The following UNC5D variants were observed in gnomAD, a reference collection of about 807,000 sequenced individuals.
The protein encoded by UNC5D is unc-5 netrin receptor D.
In UNC5D, 39 loss-of-function variants were observed where a neutral mutation model predicts 105.4. The ratio of observed to expected loss-of-function variants is 0.37; its 90% CI spans 0.29 to 0.48. UNC5D has a LOEUF of 0.48. Ranked by LOEUF, UNC5D falls within the 20% of genes least tolerant of loss-of-function variation. UNC5D has a pLI of 0.98. For synonymous variants in UNC5D, 452 were observed against 450.4 expected (o/e 1.00, Z -0.04); for missense variants, 991 against 1,202.4 (o/e 0.82, Z 2.60).
intron 4 of UNC5D, among the ~76,000 whole-genome samples, chr8:35,666,991 T>C (rs1824466562): frequency 6.6e-6 from 1 of 152,170 alleles, no homozygotes; most frequent in Non-Finnish European, 1.5e-5. Context: ...GGTATGAGAC[T>C]TAGCCTGCTA....
chr8:35,285,646 T>C (rs543961881), intron 1 of UNC5D, among the ~76,000 whole-genome samples: 1 of 152,186 alleles, frequency 6.6e-6, no homozygotes, highest in Non-Finnish European at 1.5e-5. Context: ...AGCAAAGAAT[T>C]GTAATCACTG....
intron 8 of UNC5D, among the ~76,000 whole-genome samples, chr8:35,720,329 C>A (rs2131528116): frequency 6.6e-6 from 1 of 152,306 alleles, no homozygotes; most frequent in South Asian, 2.1e-4. Context: ...CTGCACACTG[C>A]CAGGCTGTTT....
chr8:35,762,082 A>G (rs1303023277), intron 14 of UNC5D, among the ~76,000 whole-genome samples: 4 of 152,104 alleles, frequency 2.6e-5, no homozygotes, highest in African/African-American at 9.7e-5. Flanking sequence ...CTAACTTCAA[A>G]TCAGGAATCT....
At chr8:35,567,663 A>T (rs891973030) in intron 2 of UNC5D, among the ~76,000 whole-genome samples, 1 of 152,162 alleles carries the variant, frequency 6.6e-6, no homozygotes, top group East Asian at 1.9e-4. Flanking sequence ...CTTCTAAGCC[A>T]GACTGTTACA....
chr8:35,670,424 C>T (rs1434384572), intron 4 of UNC5D, among the ~76,000 whole-genome samples: 1 of 152,126 alleles, frequency 6.6e-6, no homozygotes, highest in Admixed American at 6.6e-5. Context: ...TTTATTGCAG[C>T]ACTATTGACA....
At chr8:35,483,966 T>C (rs10503980) in intron 1 of UNC5D, among the ~76,000 whole-genome samples, 26,478 of 152,152 alleles carry the variant, frequency 0.17, 3,050 homozygotes, top group African/African-American at 0.29. Context: ...TGTGCTGCAT[T>C]CAAATGTGAG....
intron 3 of UNC5D, among the ~76,000 whole-genome samples, chr8:35,572,275 CAAAAAAAAAA>C (rs58478029): frequency 2.6e-4 from 19 of 72,478 alleles, no homozygotes; most frequent in Non-Finnish European, 2.4e-5. Flanking sequence ...GCGAGACTGT[CAAAAAAAAAA>C]AAAAAAAAAA....
In UNC5D at chr8:35,748,452, G is replaced by C. The variant is rs988985770; in HGVS notation, c.1767-75G>C. Reference sequence around the variant, plus strand: ...ATAAGCCTGAAGAAAACCCCAGTCTGTTAACCAAATTCTCATTCAAATATG... The same window carrying C: ...ATAAGCCTGAAGAAAACCCCAGTCTCTTAACCAAATTCTCATTCAAATATG... On this transcript the variant is annotated intron_variant, in intron 11 of 16. Coordinates refer to ENST00000404895, the MANE Select transcript of UNC5D (RefSeq NM_080872.4). 5.4e-6 allele frequency: 8 copies of C among 1,489,728 alleles called. No homozygotes were observed. The South Asian group carries it at 6.8e-5, about 13-fold the overall frequency. 92.3% of individuals were successfully genotyped at this position (1,489,728 alleles called of 1,614,324 possible).
chr8:35,451,332 T>G (rs1178461150), intron 1 of UNC5D, among the ~76,000 whole-genome samples: 1 of 152,128 alleles, frequency 6.6e-6, no homozygotes, highest in African/African-American at 2.4e-5. Context: ...CATGAGCCAC[T>G]GCACCTGGCC....
At chr8:35,303,846 T>C (rs1054356829) in intron 1 of UNC5D, among the ~76,000 whole-genome samples, 24 of 152,174 alleles carry the variant, frequency 1.6e-4, no homozygotes, top group Admixed American at 6.6e-5. Flanking sequence ...ATGTAAATGA[T>C]CAGCTAAAGC....
intron 1 of UNC5D, among the ~76,000 whole-genome samples, chr8:35,548,832 A>G (rs532561245): frequency 1.3e-5 from 2 of 152,306 alleles, no homozygotes; most frequent in South Asian, 2.1e-4. Flanking sequence ...TCTTTTGACC[A>G]TATTTTATGG....
chr8:35,722,574 C>T (rs1828640278), intron 9 of UNC5D, among the ~76,000 whole-genome samples, 179 bp downstream of exon 9: 1 of 152,174 alleles, frequency 6.6e-6, no homozygotes. Flanking sequence ...AGGTCCTTGT[C>T]TGCCACAGGG....
At chr8:35,322,792 T>C (rs946405472) in intron 1 of UNC5D, among the ~76,000 whole-genome samples, 1 of 152,216 alleles carries the variant, frequency 6.6e-6, no homozygotes, top group African/African-American at 2.4e-5. Context: ...TACGTACGAT[T>C]TCTTAAGCGA....
intron 4 of UNC5D, among the ~76,000 whole-genome samples, chr8:35,631,131 G>C (rs1412797407): frequency 1.3e-5 from 2 of 152,060 alleles, no homozygotes; most frequent in Non-Finnish European, 1.5e-5. Context: ...TGGGCAACAC[G>C]GTGAAACCCC....
chr8:35,309,032 A>G (rs1808663471), intron 1 of UNC5D, among the ~76,000 whole-genome samples: 1 of 152,020 alleles, frequency 6.6e-6, no homozygotes. Flanking sequence ...TTTGCCTTTT[A>G]CCTGGTGCCT....
Position 35,298,212 on chromosome 8 carries a change from C to T in UNC5D, c.103+62325C>T, listed in dbSNP as rs539405131. Among the ~76,000 whole-genome samples, 4 of 152,264 alleles carry T rather than the reference C, an allele frequency of 2.6e-5. No individual in the cohort carries two copies. In the East Asian group the frequency reaches 7.7e-4, roughly 29 times the overall value. On this transcript the variant is annotated intron_variant, in intron 1 of 16. Transcript: ENST00000404895. ...GGACTCTGTTACTCACAGAAACACC[C>T]CCATAGTCCCTGGCTCTTTCCAAGT...
intron 1 of UNC5D, among the ~76,000 whole-genome samples, chr8:35,501,277 A>G (rs1234204466): frequency 6.6e-6 from 1 of 152,242 alleles, no homozygotes; most frequent in Non-Finnish European, 1.5e-5. Flanking sequence ...GTGCTGCCTG[A>G]CCAAGGTTGA....
intron 4 of UNC5D, among the ~76,000 whole-genome samples, chr8:35,601,706 C>T (rs1301738061): frequency 4.6e-5 from 7 of 152,148 alleles, no homozygotes; most frequent in East Asian, 3.9e-4. Flanking sequence ...TGGGCTGAGA[C>T]GATGGGATTT....
chr8:35,381,159 A>G (rs1037397531), intron 1 of UNC5D, among the ~76,000 whole-genome samples: 1 of 152,190 alleles, frequency 6.6e-6, no homozygotes, highest in Non-Finnish European at 1.5e-5. Context: ...GATAGCCAGC[A>G]TTAAAAATCA....
Sources: allele counts gnomAD v4.1 joint callset (sites outside exome capture counted in the v4.1 genomes callset), GRCh38; gene constraint gnomAD v4.1.1; transcripts MANE v1.5; gene names NCBI Gene and HGNC (gene_info 2026-07-23, HGNC 2026-07-21).